The following LYPD6 variants were observed in gnomAD, a reference collection of about 807,000 sequenced individuals.
The protein encoded by LYPD6 is ly6/PLAUR domain-containing protein 6.
A neutral mutation model predicts 22.7 loss-of-function variants in LYPD6; 15 were observed. That is an observed-to-expected ratio of 0.66 (90% CI 0.44 to 1.02). The LOEUF is 1.02. Among genes scored for constraint, LYPD6 ranks in the 50% least tolerant of loss-of-function variants. The probability of loss-of-function intolerance (pLI) is 0.00; values close to 1 mark genes in which losing one functional copy is unlikely to be tolerated. For synonymous variants in LYPD6, 72 were observed against 77.5 expected (o/e 0.93, Z 0.37); for missense variants, 189 against 208.4 (o/e 0.91, Z 0.57).
chr2:149,447,269 C>T (rs1449325421), intron 2 of LYPD6, among the ~76,000 whole-genome samples: 2 of 152,152 alleles, frequency 1.3e-5, no homozygotes, highest in Non-Finnish European at 2.9e-5. Flanking sequence ...TGGGTGCCCG[C>T]GACAGCCTCC....
chr2:149,452,817 A>G (rs1680866317), intron 3 of LYPD6, among the ~76,000 whole-genome samples: 1 of 152,190 alleles, frequency 6.6e-6, no homozygotes, highest in Non-Finnish European at 1.5e-5. Context: ...TGTTTGGCCA[A>G]GTAAGTGTCA....
chr2:149,435,594 C>G lies in LYPD6; in HGVS notation c.-71-2044C>G, dbSNP rs143385388. Among the ~76,000 whole-genome samples the G allele has an allele frequency of 1.8e-3, 270 of 152,312 alleles. 2 individuals carry two copies. Among genetic ancestry groups the G allele is most frequent in the Admixed American group, 0.013 (203 of 15,294 alleles). ...GGAAAGAAGCACTGTTGAATTCATT[C>G]AAGATGAAGTGATGTTTGTCTCTGT... On this transcript the variant is annotated intron_variant, in intron 1 of 4. Coordinates refer to ENST00000334166, the MANE Select transcript of LYPD6 (RefSeq NM_194317.5).
chr2:149,401,885 C>T (rs1682564189), intron 1 of LYPD6, among the ~76,000 whole-genome samples: 1 of 151,946 alleles, frequency 6.6e-6, no homozygotes, highest in Non-Finnish European at 1.5e-5. Flanking sequence ...CCCCGAATCC[C>T]CAAAGTTCAA....
At chr2:149,341,470 A>G (rs1181574396) in intron 1 of LYPD6, among the ~76,000 whole-genome samples, 2 of 152,122 alleles carry the variant, frequency 1.3e-5, no homozygotes, top group African/African-American at 2.4e-5. Context: ...TTTCTCATGG[A>G]TGCCAACATG....
intron 1 of LYPD6, among the ~76,000 whole-genome samples, chr2:149,412,402 T>C (rs1418755290): frequency 1.3e-5 from 2 of 152,062 alleles, no homozygotes; most frequent in African/African-American, 2.4e-5. Context: ...ATGACACTTA[T>C]CTATGTTTTT....
intron 1 of LYPD6, among the ~76,000 whole-genome samples, chr2:149,386,881 T>G (rs1003080639): frequency 6.6e-6 from 1 of 152,206 alleles, no homozygotes; most frequent in Non-Finnish European, 1.5e-5. Context: ...GAAAGAGTTT[T>G]ATCAAGACTT....
chr2:149,401,593 A>C (rs900292099), intron 1 of LYPD6, among the ~76,000 whole-genome samples: 1 of 152,150 alleles, frequency 6.6e-6, no homozygotes. Context: ...CATTTTCTAT[A>C]TCTGGTGGAA....
chr2:149,399,433 T>C (rs1373900023), intron 1 of LYPD6, among the ~76,000 whole-genome samples: 1 of 152,140 alleles, frequency 6.6e-6, no homozygotes, highest in Non-Finnish European at 1.5e-5. Flanking sequence ...TTTTAGTATT[T>C]TGATACTTAA....
At chr2:149,395,643 A>G (rs1241168899) in intron 1 of LYPD6, among the ~76,000 whole-genome samples, 1 of 152,128 alleles carries the variant, frequency 6.6e-6, no homozygotes, top group African/African-American at 2.4e-5. Flanking sequence ...TTGTCTTCTC[A>G]TTTACTCTGT....
At chr2:149,413,474 T>G (rs1682895582) in intron 1 of LYPD6, among the ~76,000 whole-genome samples, 1 of 152,236 alleles carries the variant, frequency 6.6e-6, no homozygotes, top group Non-Finnish European at 1.5e-5. Context: ...CTTACCACAC[T>G]ACAGTTTATC....
At chr2:149,426,156 AAG>A (rs1683184862) in intron 1 of LYPD6, among the ~76,000 whole-genome samples, 4 of 152,316 alleles carry the variant, frequency 2.6e-5, no homozygotes, top group Admixed American at 2.0e-4. Context: ...CCTACAAGAA[AAG>A]AGAGCACAGG....
chr2:149,339,737 C>T (rs577600885), intron 1 of LYPD6, among the ~76,000 whole-genome samples: 57 of 152,244 alleles, frequency 3.7e-4, no homozygotes, highest in African/African-American at 1.3e-3. Flanking sequence ...ATACCCCTAC[C>T]TCCTGTCCTG....
At chr2:149,340,567 T>G (rs1378679269) in intron 1 of LYPD6, among the ~76,000 whole-genome samples, 1 of 152,108 alleles carries the variant, frequency 6.6e-6, no homozygotes, top group African/African-American at 2.4e-5. Context: ...TTATTTAGTT[T>G]CCTCCAATTT....
intron 1 of LYPD6, among the ~76,000 whole-genome samples, chr2:149,402,675 A>G (rs191300411): frequency 2.2e-4 from 34 of 152,020 alleles, no homozygotes; most frequent in African/African-American, 3.4e-4. Context: ...CTGTTTGTGT[A>G]TCTTCTTTTG....
chr2:149,368,966 T>G (rs565837695), intron 1 of LYPD6, among the ~76,000 whole-genome samples: 136 of 152,156 alleles, frequency 8.9e-4, no homozygotes, highest in South Asian at 5.0e-3. Flanking sequence ...GTTTTGGAAT[T>G]ATTAATTATA....
At chr2:149,459,751 A>G (rs1681045714) in intron 3 of LYPD6, among the ~76,000 whole-genome samples, 1 of 151,944 alleles carries the variant, frequency 6.6e-6, no homozygotes, top group Non-Finnish European at 1.5e-5. Flanking sequence ...AAAATACAAA[A>G]ATTAGCCAGG....
intron 1 of LYPD6, among the ~76,000 whole-genome samples, chr2:149,339,984 G>T (rs17348064): frequency 0.31 from 46,755 of 151,916 alleles, 7,386 homozygotes; most frequent in Middle Eastern, 0.38. Flanking sequence ...CAGCAGTTAT[G>T]ACTTGTTCTC....
intron 1 of LYPD6, among the ~76,000 whole-genome samples, chr2:149,376,205 T>A (rs757738122): frequency 6.6e-6 from 1 of 152,152 alleles, no homozygotes; most frequent in Non-Finnish European, 1.5e-5. Context: ...TACAGATAAA[T>A]TCTCCAGATT....
chr2:149,331,779 A>T (rs554802280), intron 1 of LYPD6, among the ~76,000 whole-genome samples: 1 of 151,916 alleles, frequency 6.6e-6, no homozygotes, highest in Non-Finnish European at 1.5e-5. Context: ...CCAAAATTCA[A>T]TTTTCTTTGT....
Sources: gnomAD v4.1 joint callset for allele counts (sites outside exome capture counted in the v4.1 genomes callset) on GRCh38, gnomAD v4.1.1 for gene constraint, MANE v1.5 for transcripts, NCBI Gene and HGNC (gene_info 2026-07-23, HGNC 2026-07-21) for gene names.